Variants in WNT2B observed in about 807,000 individuals in gnomAD.
The protein encoded by WNT2B is protein Wnt-2b.
In WNT2B, 19 loss-of-function variants were observed where a neutral mutation model predicts 40.5. That is an observed-to-expected ratio of 0.47 (90% CI 0.33 to 0.69). The LOEUF (loss-of-function observed/expected upper bound fraction) is 0.69. Ranked by LOEUF, WNT2B falls within the 30% of genes least tolerant of loss-of-function variation. The pLI is 0.02. For synonymous variants in WNT2B, 220 were observed against 211.9 expected (o/e 1.04, Z -0.33); for missense variants, 467 against 556.4 (o/e 0.84, Z 1.62).
chr1:112,514,717 T>A (rs1443221241), intron 1 of WNT2B, 157 bp from the exon 2 acceptor site: 2 of 685,904 alleles, frequency 2.9e-6, no homozygotes, highest in African/African-American at 3.5e-5. Context: ...TTCAGAACTG[T>A]GGGAAATGGT....
intron 1 of WNT2B, among the ~76,000 whole-genome samples, chr1:112,496,037 A>G (rs1557914009): frequency 6.6e-6 from 1 of 152,188 alleles, no homozygotes; most frequent in African/African-American, 2.4e-5. Flanking sequence ...TTACTTCCCG[A>G]AGACCCCACC....
chr1:112,497,057 C>A lies in WNT2B; in HGVS notation c.-94-17817C>A, dbSNP rs116054422. The stretch of plus-strand genomic sequence containing the variant: ...GCCTTCCAGACACACTTCCCACAAG[C>A]GTTGGGCCCCCAAGCCCCTGAGCAG... On this transcript the variant is annotated intron_variant, in intron 1 of 4. Transcript: ENST00000256640. 3.0e-3 allele frequency among the ~76,000 whole-genome samples: 457 copies of A among 152,340 alleles called. 2 individuals carry two copies. The highest frequency in any genetic ancestry group is 0.01 in the African/African-American group (432 of 41,580).
intron 1 of WNT2B, among the ~76,000 whole-genome samples, chr1:112,501,515 T>C (rs1185881866): frequency 6.6e-6 from 1 of 152,256 alleles, no homozygotes; most frequent in Non-Finnish European, 1.5e-5. Context: ...ATTTATTCAT[T>C]CAATCATTTA....
At position 112,522,279 on chromosome 1, in the gene WNT2B, T is replaced by C. The variant is rs929604781; in HGVS notation, c.*1770T>C. On this transcript the variant is annotated 3_prime_UTR_variant, in exon 5 of 5. Coordinates refer to ENST00000369684, the MANE Select transcript of WNT2B (RefSeq NM_024494.3). ...TCTTGGTCTCAAGCAATCCTCCCACTGCAGCCTTCCAAAGTGCTGGGCGTA... is the reference window on the plus strand; with the variant it reads ...TCTTGGTCTCAAGCAATCCTCCCACCGCAGCCTTCCAAAGTGCTGGGCGTA... 6.6e-6 allele frequency: 1 copy of C among 152,264 alleles called. No homozygotes were observed. The highest frequency in any genetic ancestry group is 2.4e-5 in the African/African-American group (1 of 41,456). 9.4% of individuals were successfully genotyped at this position (152,264 alleles called of 1,614,324 possible).
Position 112,515,218 on chromosome 1 carries a change from T to G in WNT2B, c.403+124T>G. The G allele has an allele frequency of 8.5e-7, 1 of 1,174,078 alleles. No individual in the cohort carries two copies. Among genetic ancestry groups the G allele is most frequent in the South Asian group, 1.4e-5 (1 of 69,384 alleles). The allele number at this position is 1,174,078 out of a possible 1,614,324, so 72.7% of individuals were successfully genotyped here. ...ACTGTTTCATCATCAGAGAAAGAAC[T>G]GTGGGCAGAGCCCAGGATATAATTG... On this transcript the variant is annotated intron_variant, in intron 2 of 4. Coordinates refer to ENST00000369684, the MANE Select transcript of WNT2B (RefSeq NM_024494.3). The surrounding 1 kb of genome is among the most constrained non-coding windows in gnomAD (Gnocchi z 4.4).
intron 1 of WNT2B, among the ~76,000 whole-genome samples, chr1:112,477,779 C>G (rs1281939984): frequency 4.0e-5 from 6 of 151,040 alleles, no homozygotes; most frequent in Admixed American, 4.0e-4. Flanking sequence ...CTTGATCAAG[C>G]AAAATAATTT....
At position 112,529,609 on chromosome 1, in the gene WNT2B, G is replaced by A. The variant is rs568362676; in HGVS notation, c.*9100G>A. ...GAGAAGCTATTATAAGATAGGCATA[G>A]AGACAGAAGTCTCAACTTGTATAAC... On this transcript the variant is annotated 3_prime_UTR_variant, in exon 5 of 5. Coordinates refer to ENST00000369684, the MANE Select transcript of WNT2B (RefSeq NM_024494.3). The A allele has an allele frequency of 6.6e-6, 1 of 152,208 alleles. No individual in the cohort carries two copies. Among genetic ancestry groups the A allele is most frequent in the African/African-American group, 2.4e-5 (1 of 41,514 alleles). The allele number at this position is 152,208 out of a possible 1,614,324, so 9.4% of individuals were successfully genotyped here. A position where few individuals can be genotyped will look rare whatever the true frequency, so the allele number is the denominator to read the frequency against.
At chr1:112,517,689 G>A (rs1652628897) in intron 4 of WNT2B, 2 of 318,806 alleles carry the variant, frequency 6.3e-6, no homozygotes, top group Non-Finnish European at 1.2e-5. Flanking sequence ...CCTGTTTTCA[G>A]TTTTAAGCAA....
chr1:112,467,983 C>G (rs1650755662), intron 1 of WNT2B, among the ~76,000 whole-genome samples: 1 of 152,192 alleles, frequency 6.6e-6, no homozygotes, highest in Non-Finnish European at 1.5e-5. Context: ...TTCCCAGACT[C>G]TGGTATCTAT....
At chr1:112,479,448 C>G (rs1044694337) in intron 1 of WNT2B, among the ~76,000 whole-genome samples, 2 of 151,310 alleles carry the variant, frequency 1.3e-5, no homozygotes, top group East Asian at 3.9e-4. Flanking sequence ...GTGGCAGGCA[C>G]CTGTAATCCC....
chr1:112,496,986 G>A (rs544351380), intron 1 of WNT2B, among the ~76,000 whole-genome samples: 3 of 152,202 alleles, frequency 2.0e-5, no homozygotes, highest in East Asian at 1.9e-4. Context: ...GGCAAACAAC[G>A]TTAAATCCTA....
At chr1:112,490,974 T>G in intron 1 of WNT2B, 1 of 1,591,834 alleles carries the variant, frequency 6.3e-7, no homozygotes, top group South Asian at 1.1e-5. Context: ...TAGCATTTAT[T>G]ATGTTAAATT....
rs751171717 is a variant in WNT2B, at chr1:112,520,276, C to G, written c.947-4C>G. 3.1e-6 allele frequency: 5 copies of G among 1,613,178 alleles called. No individual in the cohort carries two copies. The highest frequency in any genetic ancestry group is 2.2e-5 in the South Asian group (2 of 90,844). On this transcript the variant is annotated splice_polypyrimidine_tract_variant and splice_region_variant and intron_variant, in intron 4 of 4. Transcript: ENST00000369684. The stretch of plus-strand genomic sequence containing the variant: ...GTTCTCACTCCCTCTCTTCCCCAAC[C>G]CAGGTTCCCTAGGCACTGCAGGCCG...
Position 112,492,965 on chromosome 1 carries a change from A to T in WNT2B, c.-94-21909A>T, listed in dbSNP as rs1287636359. Among the ~76,000 whole-genome samples, 3 of 152,198 alleles carry T rather than the reference A, an allele frequency of 2.0e-5. No homozygotes were observed. In the East Asian group the frequency reaches 5.8e-4, roughly 29 times the overall value. On this transcript the variant is annotated intron_variant, in intron 1 of 4. Coordinates refer to the WNT2B transcript ENST00000256640. ...CTATTTACAGCATTTCTTTTTGTCT[A>T]ATACATCATGCCTGGCTATCAAGAA...
At chr1:112,519,872 C>CTTCTTTTTTTTTTTTT (rs10634267) in intron 4 of WNT2B, among the ~76,000 whole-genome samples, 1 of 115,646 alleles carries the variant, frequency 8.6e-6, no homozygotes, top group African/African-American at 3.2e-5. Flanking sequence ...GCCCATGCTT[C>CTTCTTTTTTTTTTTTT]TTTTTTTTTT....
chr1:112,468,234 T>C (rs1307223096), intron 1 of WNT2B, among the ~76,000 whole-genome samples: 15 of 152,240 alleles, frequency 9.9e-5, no homozygotes, highest in Non-Finnish European at 2.9e-5. Context: ...GTTTATATCT[T>C]TGCTGTCATG....
intron 1 of WNT2B, among the ~76,000 whole-genome samples, chr1:112,482,244 G>A (rs145551351): frequency 0.026 from 3,981 of 152,076 alleles, 89 homozygotes; most frequent in Non-Finnish European, 0.041. Context: ...GTTTGAACCC[G>A]AGAGGTCAAG....
At chr1:112,472,432 T>A (rs1245352850) in intron 1 of WNT2B, among the ~76,000 whole-genome samples, 1 of 152,132 alleles carries the variant, frequency 6.6e-6, no homozygotes, top group African/African-American at 2.4e-5. Context: ...TCTGTTCTCA[T>A]TAGCGAAAAA....
intron 1 of WNT2B, among the ~76,000 whole-genome samples, chr1:112,490,023 TA>T: frequency 6.6e-6 from 1 of 152,156 alleles, no homozygotes; most frequent in Middle Eastern, 3.4e-3. Flanking sequence ...GCAAACAACA[TA>T]AAAGAATACA....
Sources: gnomAD v4.1 joint callset for allele counts (sites outside exome capture counted in the v4.1 genomes callset) on GRCh38, gnomAD v4.1.1 for gene constraint, Gnocchi (gnomAD v3.1) non-coding constraint, MANE v1.5 for transcripts, NCBI Gene and HGNC (gene_info 2026-07-23, HGNC 2026-07-21) for gene names.